The following FOXP1 variants were observed in gnomAD, a reference collection of about 807,000 sequenced individuals.
FOXP1 encodes forkhead box protein P1.
In FOXP1, 15 loss-of-function variants were observed where a neutral mutation model predicts 98.2. The observed-to-expected ratio is 0.15, with a 90% CI of 0.10 to 0.24. The LOEUF (loss-of-function observed/expected upper bound fraction) is 0.24. Among genes scored for constraint, FOXP1 ranks in the 10% least tolerant of loss-of-function variants. FOXP1 has a pLI of 1.00. For missense variants in FOXP1, 633 were observed against 848.5 expected, an observed-to-expected ratio of 0.75 and a Z score of 3.15; for synonymous variants, 371 against 314.5, an observed-to-expected ratio of 1.18 and a Z score of -1.90.
At chr3:71,166,919 G>A (rs932078860) in intron 6 of FOXP1, among the ~76,000 whole-genome samples, 2 of 151,926 alleles carry the variant, frequency 1.3e-5, no homozygotes, top group Non-Finnish European at 2.9e-5. Context: ...TTCCAGCCCC[G>A]TAATGCCCTC....
At chr3:71,027,483 T>TAG (rs1184725427) in intron 11 of FOXP1, among the ~76,000 whole-genome samples, 3 of 152,178 alleles carry the variant, frequency 2.0e-5, no homozygotes, top group Non-Finnish European at 4.4e-5. Context: ...ACTCCCTACT[T>TAG]TATGTAATTA....
intron 5 of FOXP1, among the ~76,000 whole-genome samples, chr3:71,222,877 A>G (rs1038763159): frequency 3.9e-5 from 6 of 152,100 alleles, no homozygotes; most frequent in African/African-American, 1.5e-4. Context: ...CAAACTCAAC[A>G]TTCTTTCCTC....
At chr3:71,171,644 T>C (rs2061659140) in intron 6 of FOXP1, among the ~76,000 whole-genome samples, 1 of 152,242 alleles carries the variant, frequency 6.6e-6, no homozygotes, top group Non-Finnish European at 1.5e-5. Flanking sequence ...AGTTGCCTCC[T>C]CTCTTACCTC....
At chr3:71,382,715 A>G (rs975758590) in intron 3 of FOXP1, among the ~76,000 whole-genome samples, 28 of 152,230 alleles carry the variant, frequency 1.8e-4, no homozygotes, top group Non-Finnish European at 5.9e-5. Context: ...TCTCTCCTGC[A>G]GCCTACCTAC....
At chr3:71,517,071 T>C (rs1309619143) in intron 2 of FOXP1, among the ~76,000 whole-genome samples, 1 of 152,214 alleles carries the variant, frequency 6.6e-6, no homozygotes, top group Non-Finnish European at 1.5e-5. Context: ...GTCAGCCACA[T>C]TAGTTGGTCC....
At chr3:71,547,385 G>A (rs770372272) in intron 2 of FOXP1, among the ~76,000 whole-genome samples, 60 of 152,200 alleles carry the variant, frequency 3.9e-4, no homozygotes, top group Non-Finnish European at 6.9e-4. Context: ...GGGCTTGGCA[G>A]GTAAACAACC....
In FOXP1 at chr3:71,332,421, G is replaced by A. The variant is rs189346815; in HGVS notation, c.-73+26729C>T. ...CTTGAAGAACTGTAACACTCACAGC[G>A]AGGGTCCGCGGCTTCATTCTTGAAG... On this transcript the variant is annotated intron_variant, in intron 4 of 20. Coordinates refer to ENST00000649528, the MANE Select transcript of FOXP1 (RefSeq NM_001349338.3). 3.9e-3 allele frequency: 682 copies of A among 174,840 alleles called. 6 individuals carry two copies. Among genetic ancestry groups the A allele is most frequent in the African/African-American group, 0.015 (646 of 41,892 alleles). 10.8% of individuals were successfully genotyped at this position (174,840 alleles called of 1,614,324 possible).
intron 3 of FOXP1, among the ~76,000 whole-genome samples, chr3:71,470,038 G>A (rs2089174717): frequency 6.6e-6 from 1 of 150,796 alleles, no homozygotes; most frequent in Non-Finnish European, 1.5e-5. Context: ...TCAAAATATT[G>A]CAGATAAAAT....
At chr3:71,466,835 G>C (rs942979273) in intron 3 of FOXP1, among the ~76,000 whole-genome samples, 1 of 152,168 alleles carries the variant, frequency 6.6e-6, no homozygotes, top group Non-Finnish European at 1.5e-5. Flanking sequence ...GAGAGACGCA[G>C]GTACAAGCTC....
chr3:71,486,170 T>A (rs1004801677), intron 3 of FOXP1, among the ~76,000 whole-genome samples: 2 of 152,182 alleles, frequency 1.3e-5, no homozygotes, highest in African/African-American at 2.4e-5. Context: ...GCAGGTGACT[T>A]ATGCACTAAC....
intron 17 of FOXP1, among the ~76,000 whole-genome samples, chr3:70,973,419 G>C (rs1300383846): frequency 1.3e-5 from 2 of 152,208 alleles, no homozygotes; most frequent in Non-Finnish European, 2.9e-5. Flanking sequence ...GGTTTCTGCA[G>C]ACATATCTTG....
chr3:71,093,687 G>A (rs1453071938), intron 7 of FOXP1, among the ~76,000 whole-genome samples: 5 of 151,708 alleles, frequency 3.3e-5, no homozygotes, highest in Non-Finnish European at 7.4e-5. Flanking sequence ...ATGAGGATAA[G>A]TGAATAGATG....
At chr3:71,549,628 G>A (rs562639576) in intron 2 of FOXP1, among the ~76,000 whole-genome samples, 47 of 152,146 alleles carry the variant, frequency 3.1e-4, no homozygotes, top group Non-Finnish European at 6.6e-4. Context: ...ACCCACCTAG[G>A]CCTCCCAAAG....
At chr3:71,299,441 A>C (rs1413701197) in intron 5 of FOXP1, among the ~76,000 whole-genome samples, 1 of 152,250 alleles carries the variant, frequency 6.6e-6, no homozygotes, top group Admixed American at 6.5e-5. Flanking sequence ...ACTTCAGCAC[A>C]CAATACTGAC....
intron 2 of FOXP1, among the ~76,000 whole-genome samples, chr3:71,531,516 A>T (rs768704861): frequency 4.6e-5 from 7 of 152,208 alleles, no homozygotes; most frequent in Non-Finnish European, 8.8e-5. Context: ...AAAAAAAAAG[A>T]AGGAAGGAAA....
At chr3:71,470,997 G>T (rs2089289827) in intron 3 of FOXP1, among the ~76,000 whole-genome samples, 1 of 152,186 alleles carries the variant, frequency 6.6e-6, no homozygotes, top group Admixed American at 6.5e-5. Flanking sequence ...AAGACTTGTG[G>T]CAAGGGTAAG....
chr3:71,461,648 A>G (rs918863321), intron 3 of FOXP1, among the ~76,000 whole-genome samples: 2 of 152,100 alleles, frequency 1.3e-5, no homozygotes, highest in African/African-American at 4.8e-5. Context: ...TAAAAAAACA[A>G]AAATTAGCAG....
chr3:71,419,317 A>C (rs886687179), intron 3 of FOXP1, among the ~76,000 whole-genome samples: 1 of 150,892 alleles, frequency 6.6e-6, no homozygotes, highest in African/African-American at 2.4e-5. Context: ...TCAATCAGTT[A>C]TATATTTTTG....
intron 3 of FOXP1, among the ~76,000 whole-genome samples, chr3:71,375,044 T>C (rs1436985720): frequency 1.3e-5 from 2 of 152,206 alleles, no homozygotes; most frequent in African/African-American, 4.8e-5. Context: ...CTCTAGGAAA[T>C]CTAGACAATC....
Sources: gnomAD v4.1 joint callset for allele counts (sites outside exome capture counted in the v4.1 genomes callset) on GRCh38, gnomAD v4.1.1 for gene constraint, MANE v1.5 for transcripts, NCBI Gene and HGNC (gene_info 2026-07-23, HGNC 2026-07-21) for gene names.